The following FMN2 variants were observed in gnomAD, a reference collection of about 807,000 sequenced individuals.
The protein encoded by FMN2 is formin 2.
Under a neutral mutation model 142.3 loss-of-function variants are expected in FMN2, and 51 were observed. The observed-to-expected ratio is 0.36, with a 90% CI of 0.29 to 0.45. The LOEUF (loss-of-function observed/expected upper bound fraction) is 0.45, where lower values mean the gene tolerates loss of function less well. Among genes scored for constraint, FMN2 ranks in the 20% least tolerant of loss-of-function variants. FMN2 has a pLI of 1.00. For synonymous variants in FMN2, 882 were observed against 869.8 expected (o/e 1.01, Z -0.25); for missense variants, 1,936 against 2,122.8 (o/e 0.91, Z 1.73).
intron 2 of FMN2, among the ~76,000 whole-genome samples, chr1:240,136,730 A>G (rs956400455): frequency 6.6e-6 from 1 of 152,094 alleles, no homozygotes; most frequent in African/African-American, 2.4e-5. Flanking sequence ...TGTGACTTGT[A>G]TTTCTTCTGA....
chr1:240,127,325 G>A (rs968150594), intron 2 of FMN2, among the ~76,000 whole-genome samples: 5 of 151,784 alleles, frequency 3.3e-5, no homozygotes, highest in Non-Finnish European at 7.4e-5. Flanking sequence ...TGCCACGTCG[G>A]CCTCTCAAAG....
At chr1:240,465,589 A>G (rs957533002) in intron 16 of FMN2, among the ~76,000 whole-genome samples, 2 of 152,210 alleles carry the variant, frequency 1.3e-5, no homozygotes, top group Middle Eastern at 3.4e-3. Flanking sequence ...TCCACAATGC[A>G]CTTAACCTCT....
intron 15 of FMN2, among the ~76,000 whole-genome samples, chr1:240,423,890 T>G (rs946839734): frequency 3.9e-5 from 6 of 152,178 alleles, no homozygotes; most frequent in Admixed American, 6.5e-5. Flanking sequence ...TGGTTGGCAT[T>G]CACAATAGAG....
chr1:240,421,253 G>C (rs547037260), intron 15 of FMN2, among the ~76,000 whole-genome samples: 1 of 152,128 alleles, frequency 6.6e-6, no homozygotes, highest in African/African-American at 2.4e-5. Context: ...AGATCTGAAA[G>C]GTGTGTACCT....
chr1:240,279,283 G>A (rs111489458), intron 7 of FMN2, among the ~76,000 whole-genome samples: 165 of 152,220 alleles, frequency 1.1e-3, no homozygotes, highest in African/African-American at 3.5e-3. Context: ...TTCTGATACC[G>A]TGAGAAGAGG....
At chr1:240,434,711 A>G (rs182237697) in intron 15 of FMN2, among the ~76,000 whole-genome samples, 3,387 of 145,348 alleles carry the variant, frequency 0.023, 117 homozygotes, top group African/African-American at 0.081. Context: ...ACAGGCACCC[A>G]CAACCACACC....
chr1:240,257,224 C>G (rs1372865567), intron 6 of FMN2, among the ~76,000 whole-genome samples: 2 of 152,288 alleles, frequency 1.3e-5, no homozygotes, highest in Non-Finnish European at 2.9e-5. Context: ...AGCCTTCCCA[C>G]CTCTGTTTTA....
chr1:240,412,137 G>C (rs1674419133), intron 15 of FMN2, among the ~76,000 whole-genome samples: 1 of 152,170 alleles, frequency 6.6e-6, no homozygotes, highest in South Asian at 2.1e-4. Context: ...AAAGTGAAAA[G>C]GGGAGAAATA....
At chr1:240,178,174 G>T in intron 3 of FMN2, 106 bp downstream of exon 3, 3 of 1,259,556 alleles carry the variant, frequency 2.4e-6, no homozygotes, top group Non-Finnish European at 3.1e-6. Context: ...TAATTGCATG[G>T]CATTCAGATA....
At chr1:240,461,936 G>A (rs1676464104) in intron 16 of FMN2, among the ~76,000 whole-genome samples, 1 of 151,898 alleles carries the variant, frequency 6.6e-6, no homozygotes, top group African/African-American at 2.4e-5. Flanking sequence ...CCTTTTTCTG[G>A]GTATCTGTGA....
intron 15 of FMN2, among the ~76,000 whole-genome samples, chr1:240,417,584 A>G (rs1195724031): frequency 1.3e-5 from 2 of 151,968 alleles, no homozygotes; most frequent in African/African-American, 4.8e-5. Context: ...AAGTTTCCTT[A>G]CTGTCCCTTT....
intron 15 of FMN2, among the ~76,000 whole-genome samples, chr1:240,428,817 G>A (rs1675043085): frequency 6.6e-6 from 1 of 152,078 alleles, no homozygotes; most frequent in South Asian, 2.1e-4. Context: ...TTACTGTGTT[G>A]TATAATAGAG....
intron 8 of FMN2, among the ~76,000 whole-genome samples, chr1:240,300,037 A>G (rs1374407694): frequency 6.6e-6 from 1 of 152,230 alleles, no homozygotes; most frequent in Non-Finnish European, 1.5e-5. Context: ...CTAGATTAAA[A>G]TAGGCCACTA....
intron 4 of FMN2, among the ~76,000 whole-genome samples, chr1:240,203,486 G>T (rs1039987840): frequency 1.3e-5 from 2 of 152,166 alleles, no homozygotes; most frequent in Non-Finnish European, 2.9e-5. Flanking sequence ...ACACAAAAAG[G>T]AATGCGATCA....
At chr1:240,240,699 A>G (rs549851616) in intron 6 of FMN2, among the ~76,000 whole-genome samples, 1 of 152,198 alleles carries the variant, frequency 6.6e-6, no homozygotes, top group Non-Finnish European at 1.5e-5. Flanking sequence ...ACTGAATTCT[A>G]AGTGCTGAAA....
chr1:240,420,333 C>A (rs1302165401), intron 15 of FMN2, among the ~76,000 whole-genome samples: 3 of 152,176 alleles, frequency 2.0e-5, no homozygotes, highest in Non-Finnish European at 4.4e-5. Context: ...GCAACCCCAG[C>A]ACACCTACTC....
intron 8 of FMN2, among the ~76,000 whole-genome samples, chr1:240,312,762 A>G (rs1446078989): frequency 2.0e-5 from 3 of 152,198 alleles, no homozygotes; most frequent in Non-Finnish European, 4.4e-5. Flanking sequence ...AATAAAGACT[A>G]TTGCTTTCTT....
chr1:240,288,190 T>G (rs947652027), intron 7 of FMN2, among the ~76,000 whole-genome samples: 8 of 152,158 alleles, frequency 5.3e-5, no homozygotes, highest in African/African-American at 1.9e-4. Flanking sequence ...GATACAACAG[T>G]GAATGAAGCA....
intron 4 of FMN2, among the ~76,000 whole-genome samples, chr1:240,200,924 C>T (rs1666099076): frequency 6.6e-6 from 1 of 152,144 alleles, no homozygotes; most frequent in Non-Finnish European, 1.5e-5. Context: ...ACCTTCCTGG[C>T]ACCACAAGGC....
Sources: allele counts gnomAD v4.1 joint callset (sites outside exome capture counted in the v4.1 genomes callset), GRCh38; gene constraint gnomAD v4.1.1; transcripts MANE v1.5; gene names NCBI Gene and HGNC (gene_info 2026-07-23, HGNC 2026-07-21).